CPE: variants seen among roughly 807,000 people sequenced by gnomAD.
The protein encoded by CPE is carbocypeptidase E.
Under a neutral mutation model 53.5 loss-of-function variants are expected in CPE, and 17 were observed. The observed-to-expected ratio is 0.32, with a 90% CI of 0.22 to 0.48. The LOEUF is 0.48. Among genes scored for constraint, CPE ranks in the 20% least tolerant of loss-of-function variants. The probability of loss-of-function intolerance (pLI) is 0.99; values close to 1 mark genes in which losing one functional copy is unlikely to be tolerated. For synonymous variants in CPE, 226 were observed against 228.8 expected, an observed-to-expected ratio of 0.99 and a Z score of 0.11; for missense variants, 524 against 614.7, an observed-to-expected ratio of 0.85 and a Z score of 1.56.
chr4:165,416,910 G>A (rs1353675877), intron 1 of CPE, among the ~76,000 whole-genome samples: 1 of 151,976 alleles, frequency 6.6e-6, no homozygotes, highest in African/African-American at 2.4e-5. Flanking sequence ...ATGTGTCAAT[G>A]AGTCCATGAA....
chr4:165,405,728 T>C (rs535998614), intron 1 of CPE: 5 of 878,174 alleles, frequency 5.7e-6, no homozygotes, highest in Non-Finnish European at 7.8e-6. Flanking sequence ...AGTCCCATTT[T>C]CTTTGCCCTG....
chr4:165,456,808 C>G lies in CPE; in HGVS notation c.308-7582C>G, dbSNP rs141547540. ...CCAGGCTGGAGTATAGTGGCACGATCTTGGCTCACTGCAACCTCCACCTCC... is the reference window on the plus strand; with the variant it reads ...CCAGGCTGGAGTATAGTGGCACGATGTTGGCTCACTGCAACCTCCACCTCC... On this transcript the variant is annotated intron_variant, in intron 1 of 8. Coordinates refer to ENST00000402744, the MANE Select transcript of CPE (RefSeq NM_001873.4). Among the ~76,000 whole-genome samples the G allele has an allele frequency of 2.7e-3, 396 of 145,044 alleles. 1 individual carries two copies. Among genetic ancestry groups the G allele is most frequent in the African/African-American group, 9.9e-3 (383 of 38,734 alleles).
chr4:165,444,622 T>C (rs1731671552), intron 1 of CPE, among the ~76,000 whole-genome samples: 1 of 152,214 alleles, frequency 6.6e-6, no homozygotes, highest in Non-Finnish European at 1.5e-5. Flanking sequence ...TGCCCCAGCT[T>C]CTGCCGTTCT....
At chr4:165,437,136 A>G (rs941001994) in intron 1 of CPE, among the ~76,000 whole-genome samples, 2 of 152,158 alleles carry the variant, frequency 1.3e-5, no homozygotes, top group South Asian at 2.1e-4. Flanking sequence ...AATTCCCACA[A>G]AAGTCCTTAA....
At chr4:165,421,388 G>A (rs1731208018) in intron 1 of CPE, among the ~76,000 whole-genome samples, 1 of 152,214 alleles carries the variant, frequency 6.6e-6, no homozygotes, top group Non-Finnish European at 1.5e-5. Flanking sequence ...TCTCTTCTAT[G>A]TTTGGTCAGC....
chr4:165,398,128 G>A (rs1730803028), intron 1 of CPE, among the ~76,000 whole-genome samples: 1 of 150,754 alleles, frequency 6.6e-6, no homozygotes, highest in South Asian at 2.1e-4. Context: ...ATAATTTAGA[G>A]GCTGGTAACA....
chr4:165,467,961 T>C (rs1020023825), intron 3 of CPE, 106 bp downstream of exon 3: 2 of 1,279,950 alleles, frequency 1.6e-6, no homozygotes, highest in Non-Finnish European at 2.1e-6. Flanking sequence ...ACAGCTTGTA[T>C]GGGGTGGTTA....
intron 7 of CPE, among the ~76,000 whole-genome samples, chr4:165,493,497 C>G (rs1044894602): frequency 3.9e-5 from 6 of 152,158 alleles, no homozygotes; most frequent in African/African-American, 1.2e-4. Flanking sequence ...CAGATGGCGC[C>G]CTTTCCTCAG....
chr4:165,469,745 G>A (rs1010881702), intron 3 of CPE, among the ~76,000 whole-genome samples: 32 of 152,228 alleles, frequency 2.1e-4, no homozygotes, highest in East Asian at 1.9e-3. Context: ...TAAGAATTAC[G>A]ATTAATATTT....
chr4:165,476,138 G>A (rs2126707719), intron 3 of CPE, among the ~76,000 whole-genome samples: 1 of 152,312 alleles, frequency 6.6e-6, no homozygotes. Context: ...ACTGAGGCAG[G>A]TTTTAGAGTA....
At chr4:165,404,535 C>T (rs574863356) in intron 1 of CPE, 4 of 877,680 alleles carry the variant, frequency 4.6e-6, no homozygotes, top group Non-Finnish European at 5.9e-6. Flanking sequence ...AACTGCTCCC[C>T]AAAGGCTTTG....
chr4:165,384,833 C>CA (rs1252223132), intron 1 of CPE, among the ~76,000 whole-genome samples: 1 of 152,114 alleles, frequency 6.6e-6, no homozygotes, highest in Non-Finnish European at 1.5e-5. Flanking sequence ...ATATGTTTTC[C>CA]ATTTTTTCCC....
At chr4:165,382,783 C>T (rs906554639) in intron 1 of CPE, among the ~76,000 whole-genome samples, 1 of 152,196 alleles carries the variant, frequency 6.6e-6, no homozygotes, top group Non-Finnish European at 1.5e-5. Context: ...ATGCTTGGTA[C>T]AGGACATGGG....
chr4:165,448,338 C>A (rs961993993), intron 1 of CPE, among the ~76,000 whole-genome samples: 27 of 152,180 alleles, frequency 1.8e-4, no homozygotes, highest in African/African-American at 6.5e-4. Flanking sequence ...TTAAATATAT[C>A]ATTTATAATT....
In CPE at chr4:165,379,226, C is replaced by G; in HGVS notation, c.5C>G (p.Ala2Gly). The G allele has an allele frequency of 8.1e-7, 1 of 1,231,330 alleles. No individual in the cohort carries two copies. The highest frequency in any genetic ancestry group is 1.0e-6 in the Non-Finnish European group (1 of 989,626). 76.3% of individuals were successfully genotyped at this position (1,231,330 alleles called of 1,614,324 possible). ...CGGCGGCGGCGGAGCGCAGCGATGG[C>G]CGGGCGAGGGGGCAGCGCGCTGCTG... M[A>G]GRGGSALLAL... Residue 2 changes from alanine to glycine, a missense_variant, in exon 1 of 9, where the codon GCC (alanine) becomes GGC (glycine). By Grantham distance (60) the Ala-to-Gly change is moderately conservative. Transcript: ENST00000402744. This position sits in a 1 kb window ranked among gnomAD's most constrained non-coding sequence, Gnocchi z 6.0.
chr4:165,419,308 G>T (rs1019035710), intron 1 of CPE, among the ~76,000 whole-genome samples: 1 of 152,110 alleles, frequency 6.6e-6, no homozygotes, highest in African/African-American at 2.4e-5. Context: ...AAAGTAAAAG[G>T]CTGGGAGCTG....
intron 1 of CPE, among the ~76,000 whole-genome samples, chr4:165,427,871 A>AT (rs34172413): frequency 0.3 from 44,935 of 151,994 alleles, 6,734 homozygotes; most frequent in Middle Eastern, 0.39. Flanking sequence ...TTTAGATGTA[A>AT]TTTCTTCTTG....
intron 1 of CPE, among the ~76,000 whole-genome samples, chr4:165,431,540 G>A (rs1466936014): frequency 6.6e-6 from 1 of 152,140 alleles, no homozygotes; most frequent in Admixed American, 6.5e-5. Flanking sequence ...CTTAAGTAAG[G>A]ACACATAGTT....
At position 165,403,603 on chromosome 4, in the gene CPE, T is replaced by C. The variant is rs73862392; in HGVS notation, c.307+24075T>C. On this transcript the variant is annotated intron_variant, in intron 1 of 8. Coordinates refer to ENST00000402744, the MANE Select transcript of CPE (RefSeq NM_001873.4). ...CATATGCCATGGGGAATGTGTTTTC[T>C]GGCTTGCTAACAACATGAAAAGAGG... 6.6e-3 allele frequency among the ~76,000 whole-genome samples: 1,005 copies of C among 152,288 alleles called. 10 individuals carry two copies. Among genetic ancestry groups the C allele is most frequent in the African/African-American group, 0.022 (911 of 41,562 alleles).
Sources: gnomAD v4.1 joint callset for allele counts (sites outside exome capture counted in the v4.1 genomes callset) on GRCh38, gnomAD v4.1.1 for gene constraint, Gnocchi (gnomAD v3.1) non-coding constraint, MANE v1.5 for transcripts, NCBI Gene and HGNC (gene_info 2026-07-23, HGNC 2026-07-21) for gene names.